The following PPARG variants were observed in gnomAD, a reference collection of about 807,000 sequenced individuals.
PPARG encodes the protein peroxisome proliferator-activated receptor gamma.
A neutral mutation model predicts 39.2 loss-of-function variants in PPARG; 17 were observed. That is an observed-to-expected ratio of 0.43 (90% confidence interval 0.30 to 0.65). PPARG has a LOEUF of 0.65. PPARG is among the 30% of genes least tolerant of loss of function. The pLI, the probability that PPARG is intolerant of heterozygous loss-of-function variation, is 0.13. For synonymous variants in PPARG, 223 were observed against 215.7 expected, an observed-to-expected ratio of 1.03 and a Z score of -0.30; for missense variants, 406 against 585.9, an observed-to-expected ratio of 0.69 and a Z score of 3.17.
intron 2 of PPARG, among the ~76,000 whole-genome samples, chr3:12,375,660 G>A (rs2049379949): frequency 6.6e-6 from 1 of 152,168 alleles, no homozygotes; most frequent in Non-Finnish European, 1.5e-5. Context: ...ACCTGGGTTA[G>A]ACAGGTTTGG....
intron 5 of PPARG, among the ~76,000 whole-genome samples, chr3:12,402,528 C>T (rs900174592): frequency 1.1e-4 from 17 of 152,114 alleles, no homozygotes; most frequent in African/African-American, 3.1e-4. Context: ...AATTTATATT[C>T]GAGTAGAATA....
chr3:12,416,769 C>A lies in PPARG; in HGVS notation c.795C>A (p.Ile265=). 1 of 1,614,066 alleles carries A rather than the reference C, an allele frequency of 6.2e-7. No homozygotes were observed. Residue 265 remains isoleucine, a synonymous_variant, in exon 7 of 8, where the codon ATC becomes ATA. Coordinates refer to ENST00000651735, the MANE Select transcript of PPARG (RefSeq NM_138711.6). ...MGEDKIKFKH[I]TPLQEQSKEV... is the part of the protein sequence containing the mutation. The stretch of plus-strand genomic sequence containing the variant: ...AAGATAAAATCAAGTTCAAACACAT[C>A]ACCCCCCTGCAGGAGCAGAGCAAAG...
chr3:12,299,845 C>A (rs995862386), intron 1 of PPARG, among the ~76,000 whole-genome samples: 4 of 152,142 alleles, frequency 2.6e-5, no homozygotes, highest in Admixed American at 2.0e-4. Flanking sequence ...AAGGCCATTA[C>A]AAACTTTTAC....
chr3:12,339,246 A>G (rs1302916093), intron 2 of PPARG, among the ~76,000 whole-genome samples: 1 of 152,218 alleles, frequency 6.6e-6, no homozygotes, highest in East Asian at 1.9e-4. Context: ...GAAATGTCTA[A>G]TAAAAGAAGC....
At chr3:12,356,360 G>A (rs995995695) in intron 2 of PPARG, among the ~76,000 whole-genome samples, 6 of 152,166 alleles carry the variant, frequency 3.9e-5, no homozygotes, top group African/African-American at 7.2e-5. Flanking sequence ...TCAAGATCAC[G>A]TGGCTATTTG....
chr3:12,318,110 A>T (rs1266387062), intron 2 of PPARG, among the ~76,000 whole-genome samples: 1 of 152,158 alleles, frequency 6.6e-6, no homozygotes, highest in Non-Finnish European at 1.5e-5. Context: ...AGTAGCTGGG[A>T]CTACAGGCAC....
rs868621968 is a variant in PPARG at position 12,344,112 on chromosome 3, C to T, written c.-9+31659C>T. ...CTGACCTCAGGTGATCCACCCACCT[C>T]GGCTTCCCAAAGTCCTGGGATTACA... On this transcript the variant is annotated intron_variant, in intron 2 of 7. Transcript: ENST00000651735. Among the ~76,000 whole-genome samples, 11 of 152,118 alleles carry T rather than the reference C, an allele frequency of 7.2e-5. No homozygotes were observed. In the South Asian group the frequency reaches 8.3e-4, roughly 11 times the overall value.
At chr3:12,290,553 G>A (rs891633790) in intron 1 of PPARG, among the ~76,000 whole-genome samples, 2 of 151,956 alleles carry the variant, frequency 1.3e-5, no homozygotes, top group African/African-American at 4.8e-5. Context: ...GCTTTAAATT[G>A]CAATATTTCT....
At chr3:12,385,485 AAGAT>A (rs1317670416) in intron 4 of PPARG, among the ~76,000 whole-genome samples, 1 of 152,168 alleles carries the variant, frequency 6.6e-6, no homozygotes, top group Non-Finnish European at 1.5e-5. Flanking sequence ...TAGCAACTGA[AAGAT>A]ATATATAATT....
chr3:12,344,457 C>T (rs2125077071), intron 2 of PPARG, among the ~76,000 whole-genome samples: 1 of 152,162 alleles, frequency 6.6e-6, no homozygotes, highest in African/African-American at 2.4e-5. Context: ...GGAAAATAAA[C>T]ATAAAATATA....
At chr3:12,391,642 G>C (rs1212718534) in intron 4 of PPARG, among the ~76,000 whole-genome samples, 1 of 152,106 alleles carries the variant, frequency 6.6e-6, no homozygotes, top group Non-Finnish European at 1.5e-5. Context: ...GGACAGGCTG[G>C]CTTAGAGATG....
At chr3:12,399,103 C>G (rs1382505651) in intron 5 of PPARG, among the ~76,000 whole-genome samples, 2 of 152,132 alleles carry the variant, frequency 1.3e-5, no homozygotes, top group East Asian at 3.9e-4. Context: ...TTTCCCCCAG[C>G]CCCATCTGTG....
At chr3:12,417,904 T>C (rs2051131750) in intron 7 of PPARG, among the ~76,000 whole-genome samples, 2 of 93,498 alleles carry the variant, frequency 2.1e-5, no homozygotes, top group African/African-American at 3.9e-5. Context: ...TTTTTTTCCT[T>C]TTTTTTTTTT....
chr3:12,397,088 A>G (rs75636282), intron 5 of PPARG, among the ~76,000 whole-genome samples: 2,023 of 152,158 alleles, frequency 0.013, 54 homozygotes, highest in African/African-American at 0.046. Flanking sequence ...GGTTAAAAAT[A>G]TGTTTTTCAT....
intron 2 of PPARG, among the ~76,000 whole-genome samples, chr3:12,357,573 A>G (rs1011810092): frequency 5.0e-4 from 76 of 152,182 alleles, no homozygotes; most frequent in Admixed American, 2.0e-4. Flanking sequence ...AAAAGCATTT[A>G]TCGTCTTCTA....
chr3:12,409,881 C>T (rs1242106638), intron 6 of PPARG, among the ~76,000 whole-genome samples: 2 of 152,196 alleles, frequency 1.3e-5, no homozygotes, highest in Non-Finnish European at 2.9e-5. Flanking sequence ...AGGACTCCTT[C>T]CCCTCCCCAA....
chr3:12,355,452 T>C (rs1048286766), intron 2 of PPARG, among the ~76,000 whole-genome samples: 8 of 152,302 alleles, frequency 5.3e-5, no homozygotes, highest in Admixed American at 5.2e-4. Flanking sequence ...TTCCATAATT[T>C]CACGTGTAAT....
intron 5 of PPARG, chr3:12,399,381 A>G (rs2050383650): frequency 2.2e-6 from 1 of 456,458 alleles, no homozygotes; most frequent in Admixed American, 2.4e-5. Context: ...TAGATTGCCA[A>G]ATCCTGCAGA....
chr3:12,359,515 A>G (rs2048768951), intron 2 of PPARG, among the ~76,000 whole-genome samples: 2 of 152,114 alleles, frequency 1.3e-5, no homozygotes, highest in Non-Finnish European at 2.9e-5. Flanking sequence ...TAACTTCCCA[A>G]ACACAAGACT....
Sources: gnomAD v4.1 joint callset for allele counts (sites outside exome capture counted in the v4.1 genomes callset) on GRCh38, gnomAD v4.1.1 for gene constraint, MANE v1.5 for transcripts, NCBI Gene and HGNC (gene_info 2026-07-23, HGNC 2026-07-21) for gene names.